Variants in TMC2 observed in about 807,000 individuals in gnomAD.
TMC2 encodes transmembrane channel like 2, also known as transmembrane channel-like protein 2.
A neutral mutation model predicts 105.9 loss-of-function variants in TMC2; 102 were observed. The observed-to-expected ratio is 0.96, with a 90% CI of 0.82 to 1.14. The LOEUF is 1.14. TMC2 is among the 50% of genes most tolerant of loss of function. TMC2 has a pLI of 0.00. For synonymous variants in TMC2, 402 were observed against 422.8 expected, an observed-to-expected ratio of 0.95 and a Z score of 0.60; for missense variants, 1,093 against 1,134.3, an observed-to-expected ratio of 0.96 and a Z score of 0.52.
chr20:2,572,311 T>G, intron 5 of TMC2, 42 bp downstream of exon 5: 1 of 1,514,882 alleles, frequency 6.6e-7, no homozygotes, highest in Non-Finnish European at 9.2e-7. Flanking sequence ...GAGGGCTTGC[T>G]CAGCTTTGGA....
intron 16 of TMC2, among the ~76,000 whole-genome samples, chr20:2,621,562 G>A (rs370150122): frequency 1.3e-5 from 2 of 151,414 alleles, no homozygotes; most frequent in Admixed American, 6.6e-5. Context: ...CCAGCTACTC[G>A]CAAGGCTGAG....
intron 13 of TMC2, 44 bp downstream of exon 13, chr20:2,612,384 T>A (rs1164590686): frequency 6.9e-7 from 1 of 1,445,374 alleles, no homozygotes; most frequent in Admixed American, 2.2e-5. Flanking sequence ...TGTTCTCAGT[T>A]CTTTGTTATT....
At chr20:2,623,519 CAG>C (rs2086540706) in intron 16 of TMC2, among the ~76,000 whole-genome samples, 1 of 148,744 alleles carries the variant, frequency 6.7e-6, no homozygotes, top group Non-Finnish European at 1.5e-5. Flanking sequence ...GCCTGGGTGT[CAG>C]AGTGAGACTC....
intron 13 of TMC2, among the ~76,000 whole-genome samples, chr20:2,612,707 A>G (rs2086450352): frequency 6.6e-6 from 1 of 152,194 alleles, no homozygotes. Context: ...CAAAAAAAAG[A>G]AAAAGAAAAA....
intron 4 of TMC2, among the ~76,000 whole-genome samples, chr20:2,568,991 T>C (rs1255679634): frequency 6.6e-6 from 1 of 152,154 alleles, no homozygotes; most frequent in East Asian, 1.9e-4. Context: ...ACTGTAGCAA[T>C]AGCAGCCAGA....
At chr20:2,620,541 C>T (rs144132728) in intron 16 of TMC2, among the ~76,000 whole-genome samples, 20 of 152,286 alleles carry the variant, frequency 1.3e-4, no homozygotes, top group African/African-American at 4.8e-4. Flanking sequence ...AGTACATTCT[C>T]ATGACATACA....
intron 11 of TMC2, 83 bp downstream of exon 11, chr20:2,602,384 G>A: frequency 9.5e-7 from 1 of 1,053,950 alleles, no homozygotes; most frequent in Non-Finnish European, 1.3e-6. Context: ...TTCATTTATC[G>A]AAAGTCTGGA....
chr20:2,613,085 A>C, intron 13 of TMC2, 109 bp from the exon 14 acceptor site: 1 of 1,440,266 alleles, frequency 6.9e-7, no homozygotes, highest in African/African-American at 1.4e-5. Flanking sequence ...CACAGAGACA[A>C]AGTCAGGTGG....
intron 11 of TMC2, among the ~76,000 whole-genome samples, chr20:2,604,622 T>G (rs1258778659): frequency 6.6e-6 from 1 of 152,170 alleles, no homozygotes; most frequent in Non-Finnish European, 1.5e-5. Flanking sequence ...TGGAAGCTCC[T>G]GGATAACCTC....
Position 2,585,538 on chromosome 20 carries a change from T to C in TMC2, c.834+5482T>C, listed in dbSNP as rs551073051. ...GGTCTCCCACAGCCTACGGTCTAGG[T>C]TTTGACCAAGGCTACAATTATCTTG... On this transcript the variant is annotated intron_variant, in intron 7 of 19. Transcript: ENST00000358864. 5.9e-5 allele frequency among the ~76,000 whole-genome samples: 9 copies of C among 152,244 alleles called. No homozygotes were observed. The South Asian group carries it at 1.9e-3, about 32-fold the overall frequency.
chr20:2,574,774 A>G (rs73585306), intron 5 of TMC2, among the ~76,000 whole-genome samples: 23,082 of 151,824 alleles, frequency 0.15, 2,542 homozygotes, highest in African/African-American at 0.31. Context: ...CGCCCAGGCT[A>G]GAGTGCAGCA....
intron 5 of TMC2, among the ~76,000 whole-genome samples, chr20:2,575,638 T>C (rs1468296713): frequency 6.6e-6 from 1 of 152,216 alleles, no homozygotes; most frequent in Non-Finnish European, 1.5e-5. Context: ...ACATCTTTGA[T>C]AAATGATTCT....
In TMC2 at chr20:2,560,052, T is replaced by C. The variant is rs78913935; in HGVS notation, c.401+1278T>C. ...TCCTAAGACAAGGCAGAAAGCAATA[T>C]GCATGCAAGACAGGACTTGATGGAG... On this transcript the variant is annotated intron_variant, in intron 3 of 19. Coordinates refer to ENST00000358864, the MANE Select transcript of TMC2 (RefSeq NM_080751.3). 8.7e-4 allele frequency among the ~76,000 whole-genome samples: 132 copies of C among 152,238 alleles called. 1 individual carries two copies. In the East Asian group the frequency reaches 0.022, roughly 25 times the overall value.
At position 2,596,633 on chromosome 20, in the gene TMC2, C is replaced by CAA. The variant is rs57798234; in HGVS notation, c.1077-502_1077-501dup. On this transcript the variant is annotated intron_variant, in intron 9 of 19. Transcript: ENST00000358864. ...GGACGACAGAGCGAGACTCTGTTAC[C>CAA]AAAAAAAAAAAAAAAAAGTAGCACA... is the stretch of plus-strand genomic sequence containing the variant. Among the ~76,000 whole-genome samples, 354 of 100,378 alleles carry CAA rather than the reference C, an allele frequency of 3.5e-3. 3 individuals are homozygous for CAA. Among genetic ancestry groups the CAA allele is most frequent in the Non-Finnish European group, 5.9e-3 (298 of 50,208 alleles). The allele number at this position is 100,378 out of a possible 152,430, so 65.9% of individuals were successfully genotyped here.
At chr20:2,638,534 T>G (rs2086666009) in intron 19 of TMC2, among the ~76,000 whole-genome samples, 1 of 151,334 alleles carries the variant, frequency 6.6e-6, no homozygotes, top group East Asian at 2.0e-4. Context: ...AGGCAGGTCC[T>G]TCAGGAGCTA....
chr20:2,599,539 A>ATTTTC lies in TMC2; in HGVS notation c.1224+2245_1224+2246insCTTTT, dbSNP rs1439640342. Among the ~76,000 whole-genome samples the ATTTTC allele has an allele frequency of 1.4e-3, 117 of 85,506 alleles. 1 individual carries two copies. The highest frequency in any genetic ancestry group is 9.3e-3 in the Middle Eastern group (1 of 108). 56.1% of individuals were successfully genotyped at this position (85,506 alleles called of 152,430 possible). ...CTTCGTTTTTTTTTTCTTTAATTAC[A>ATTTTC]TTTTTTTTTTTTTTTTTTTTTTTGG... On this transcript the variant is annotated intron_variant, in intron 10 of 19. Transcript: ENST00000358864.
Position 2,642,305 on chromosome 20 carries a change from G to A in TMC2, c.*954G>A, listed in dbSNP as rs2086694978. ...GAGAGTGGGGATTGGTGGGAAGACT[G>A]GTGATACCCCAGTACCCAGCCCAAG... On this transcript the variant is annotated 3_prime_UTR_variant, in exon 20 of 20. Transcript: ENST00000358864. Among the ~76,000 whole-genome samples, 1 of 152,158 alleles carries A rather than the reference G, an allele frequency of 6.6e-6. No homozygotes were observed. Among genetic ancestry groups the A allele is most frequent in the Non-Finnish European group, 1.5e-5 (1 of 68,032 alleles).
intron 1 of TMC2, 58 bp downstream of exon 1, chr20:2,536,713 G>T (rs891540704): frequency 6.5e-7 from 1 of 1,538,514 alleles, no homozygotes; most frequent in South Asian, 1.2e-5. Flanking sequence ...GCAGCAGCAG[G>T]GGATGGGGGA....
chr20:2,608,012 T>A (rs112307729), intron 11 of TMC2, among the ~76,000 whole-genome samples: 1 of 151,520 alleles, frequency 6.6e-6, no homozygotes, highest in African/African-American at 2.4e-5. Flanking sequence ...TAGTCCCAGC[T>A]ACTTGGGAGG....
Sources: allele counts gnomAD v4.1 joint callset (sites outside exome capture counted in the v4.1 genomes callset), GRCh38; gene constraint gnomAD v4.1.1; transcripts MANE v1.5; gene names NCBI Gene and HGNC (gene_info 2026-07-23, HGNC 2026-07-21).